Variants in EXTL3 observed in about 807,000 individuals in gnomAD.
EXTL3 encodes exostosin like glycosyltransferase 3, also known as exostosin-like 3.
In EXTL3, 27 loss-of-function variants were observed where a neutral mutation model predicts 69.3. That is an observed-to-expected ratio of 0.39 (90% CI 0.29 to 0.54). The LOEUF (loss-of-function observed/expected upper bound fraction) is 0.54. Ranked by LOEUF, EXTL3 falls within the 20% of genes least tolerant of loss-of-function variation. The pLI, the probability that EXTL3 is intolerant of heterozygous loss-of-function variation, is 0.69. For missense variants in EXTL3, 1,003 were observed against 1,231.8 expected (o/e 0.81, Z 2.78); for synonymous variants, 511 against 499.4 (o/e 1.02, Z -0.31).
intron 1 of EXTL3, among the ~76,000 whole-genome samples, chr8:28,681,153 G>A (rs1023352895): frequency 2.6e-5 from 4 of 151,918 alleles, no homozygotes; most frequent in African/African-American, 4.8e-5. Flanking sequence ...GGATACAGGC[G>A]TGAGCCACTG....
intron 1 of EXTL3, among the ~76,000 whole-genome samples, chr8:28,661,384 G>A (rs540371668): frequency 6.6e-6 from 1 of 151,468 alleles, no homozygotes; most frequent in South Asian, 2.1e-4. Flanking sequence ...CACAATATAT[G>A]TATTATATAA....
intron 3 of EXTL3, among the ~76,000 whole-genome samples, chr8:28,719,471 T>G (rs975445139): frequency 6.6e-6 from 1 of 152,232 alleles, no homozygotes. Context: ...TTTCTGTTTG[T>G]GTCATAGTTG....
intron 1 of EXTL3, among the ~76,000 whole-genome samples, chr8:28,656,308 GATTACA>G (rs111615253): frequency 0.057 from 8,713 of 151,934 alleles, 397 homozygotes; most frequent in African/African-American, 0.13. Flanking sequence ...GAGTAGCTGG[GATTACA>G]GGTGAGCCAC....
Position 28,752,393 on chromosome 8 carries a change from C to G in EXTL3, c.*1527C>G, listed in dbSNP as rs751636586. ...CAACTGAACAAAAGCTCAGGTTTGTCCTGGTCATGCACATGCCTTAAGCCA... is the reference window on the plus strand; with the variant it reads ...CAACTGAACAAAAGCTCAGGTTTGTGCTGGTCATGCACATGCCTTAAGCCA... On this transcript the variant is annotated 3_prime_UTR_variant, in exon 7 of 7. Coordinates refer to ENST00000220562, the MANE Select transcript of EXTL3 (RefSeq NM_001440.4). The G allele has an allele frequency of 6.5e-6, 1 of 152,690 alleles. No individual in the cohort carries two copies. The highest frequency in any genetic ancestry group is 1.5e-5 in the Non-Finnish European group (1 of 68,106). 9.5% of individuals were successfully genotyped at this position (152,690 alleles called of 1,614,324 possible). A position where few individuals can be genotyped will look rare whatever the true frequency, so the allele number is the denominator to read the frequency against.
chr8:28,738,308 C>T (rs1801694962), intron 5 of EXTL3, among the ~76,000 whole-genome samples: 1 of 152,144 alleles, frequency 6.6e-6, no homozygotes, highest in Admixed American at 6.5e-5. Context: ...CATGACTGGT[C>T]AGAATGGAGA....
chr8:28,650,001 G>A (rs977155819), intron 1 of EXTL3, among the ~76,000 whole-genome samples: 4 of 151,968 alleles, frequency 2.6e-5, no homozygotes, highest in Non-Finnish European at 4.4e-5. Flanking sequence ...TTTGAGACCA[G>A]CCTGGCCAAC....
chr8:28,742,648 G>A (rs1801804100), intron 5 of EXTL3: 2 of 305,884 alleles, frequency 6.5e-6, no homozygotes, highest in East Asian at 1.8e-4. Context: ...ATCTGTACAG[G>A]AGGCAGTGAG....
intron 1 of EXTL3, among the ~76,000 whole-genome samples, chr8:28,704,003 TG>T (rs1371743620): frequency 6.6e-6 from 1 of 152,118 alleles, no homozygotes; most frequent in Admixed American, 6.5e-5. Flanking sequence ...GGGACAGAGG[TG>T]GGCTCACCTG....
At chr8:28,671,309 GTTTTTTTTTTTT>G (rs749395423) in intron 1 of EXTL3, among the ~76,000 whole-genome samples, 1 of 89,602 alleles carries the variant, frequency 1.1e-5, no homozygotes, top group Non-Finnish European at 2.3e-5. Context: ...TTTGTTTTTT[GTTTTTTTTTTTT>G]TTTTTTTTGA....
chr8:28,660,401 C>T (rs544824960), intron 1 of EXTL3, among the ~76,000 whole-genome samples: 2 of 151,838 alleles, frequency 1.3e-5, no homozygotes, highest in East Asian at 3.9e-4. Context: ...TAGACATGTA[C>T]ACAAGTGTAT....
chr8:28,738,859 C>T (rs780503677), intron 5 of EXTL3, among the ~76,000 whole-genome samples: 8 of 152,194 alleles, frequency 5.3e-5, no homozygotes, highest in Non-Finnish European at 1.0e-4. Context: ...GCCTTTTCAT[C>T]GTGCCCTGAC....
At chr8:28,649,808 A>G (rs1182016233) in intron 1 of EXTL3, among the ~76,000 whole-genome samples, 1 of 152,112 alleles carries the variant, frequency 6.6e-6, no homozygotes, top group Non-Finnish European at 1.5e-5. Flanking sequence ...CTCCCAAATC[A>G]TGTATACATT....
At chr8:28,708,941 G>T (rs2130718863) in intron 1 of EXTL3, among the ~76,000 whole-genome samples, 1 of 152,284 alleles carries the variant, frequency 6.6e-6, no homozygotes, top group East Asian at 1.9e-4. Flanking sequence ...GGGTTTTAGA[G>T]GAATATTATG....
chr8:28,701,578 C>G lies in EXTL3; in HGVS notation c.-651C>G, dbSNP rs944901668. ...AGGCGCGGCCTGGAAGGCGGGCGGC[C>G]GGCAGCCAGAACGGCTTCTGGGACG... On this transcript the variant is annotated 5_prime_UTR_variant, in exon 1 of 7. Coordinates refer to ENST00000220562, the MANE Select transcript of EXTL3 (RefSeq NM_001440.4). 6.4e-6 allele frequency: 1 copy of G among 157,010 alleles called. No homozygotes were observed. Among genetic ancestry groups the G allele is most frequent in the Non-Finnish European group, 1.4e-5 (1 of 71,566 alleles). The allele number at this position is 157,010 out of a possible 1,614,324, so 9.7% of individuals were successfully genotyped here.
At chr8:28,625,077 G>C (rs1056950679) in intron 1 of EXTL3, among the ~76,000 whole-genome samples, 8 of 152,180 alleles carry the variant, frequency 5.3e-5, no homozygotes, top group African/African-American at 1.9e-4. Context: ...TTTAAAAACT[G>C]ACCCGCAGTT....
At chr8:28,683,449 C>T (rs996135692) in intron 1 of EXTL3, among the ~76,000 whole-genome samples, 1 of 152,118 alleles carries the variant, frequency 6.6e-6, no homozygotes, top group Non-Finnish European at 1.5e-5. Context: ...ATATCTGTCA[C>T]CTCAAACATT....
At chr8:28,635,135 T>G (rs2130570510) in intron 1 of EXTL3, among the ~76,000 whole-genome samples, 1 of 152,078 alleles carries the variant, frequency 6.6e-6, no homozygotes, top group Middle Eastern at 3.4e-3. Context: ...CAATAAAAGA[T>G]GATGTTGATG....
intron 2 of EXTL3, among the ~76,000 whole-genome samples, chr8:28,713,809 G>A (rs1367590531): frequency 6.6e-6 from 1 of 151,462 alleles, no homozygotes; most frequent in East Asian, 1.9e-4. Context: ...GTCTTGTCAG[G>A]TGTTCTTTGT....
At chr8:28,686,998 G>T (rs1003183219) in intron 1 of EXTL3, among the ~76,000 whole-genome samples, 4 of 152,206 alleles carry the variant, frequency 2.6e-5, no homozygotes, top group Admixed American at 2.6e-4. Flanking sequence ...GGTCATGTAG[G>T]ATGGAGCAGG....
Sources: allele counts gnomAD v4.1 joint callset (sites outside exome capture counted in the v4.1 genomes callset), GRCh38; gene constraint gnomAD v4.1.1; transcripts MANE v1.5; gene names NCBI Gene and HGNC (gene_info 2026-07-23, HGNC 2026-07-21).